Variants in TRIOBP observed in about 807,000 individuals in gnomAD.
TRIOBP encodes TRIO and F-actin-binding protein.
In TRIOBP, 169 loss-of-function variants were observed where a neutral mutation model predicts 238.8. The observed-to-expected ratio is 0.71, with a 90% CI of 0.62 to 0.80. The LOEUF (loss-of-function observed/expected upper bound fraction) is 0.80, where lower values mean the gene tolerates loss of function less well. TRIOBP is among the 30% of genes least tolerant of loss of function. TRIOBP has a pLI of 0.00. For missense variants in TRIOBP, 2,838 were observed against 3,122.6 expected (o/e 0.91, Z 2.17); for synonymous variants, 1,150 against 1,274.4 (o/e 0.90, Z 2.08).
chr22:37,725,153 C>G lies in TRIOBP; in HGVS notation c.2597C>G (p.Thr866Ser), dbSNP rs1204032283. Residue 866 changes from threonine to serine, a missense_variant, in exon 7 of 24, where the codon ACC (threonine) becomes AGC (serine). Transcript: ENST00000644935. ...TCCTTTCAACGAGACAACCCTGGAA[C>G]CTCCTCATCTCAATGCTGCACCCAA... Reference protein sequence around the residue: ...SFSFQRDNPGTSSSQCCTQKE... With the variant: ...SFSFQRDNPGSSSSQCCTQKE... The G allele has an allele frequency of 6.2e-7, 1 of 1,614,140 alleles. No individual in the cohort carries two copies. Among genetic ancestry groups the G allele is most frequent in the Admixed American group, 1.7e-5 (1 of 60,026 alleles).
At chr22:37,753,499 G>C (rs1296716676) in intron 12 of TRIOBP, among the ~76,000 whole-genome samples, 1 of 152,092 alleles carries the variant, frequency 6.6e-6, no homozygotes, top group Non-Finnish European at 1.5e-5. Context: ...GGCTGGTCTC[G>C]AACTCCTGAC....
chr22:37,734,578 G>A lies in TRIOBP; in HGVS notation c.4242G>A (p.Glu1414=). ...ERELRTQRPL[E]SGQAGPRQPL... ...AGCTGCGGACACAGAGACCTCTGGA[G>A]AGTGGCCAAGCAGGCCCAAGACAGC... The change falls in exon 9 of 24, where the codon GAG becomes GAA. Residue 1414 remains glutamate (E), a synonymous_variant. Transcript: ENST00000644935. 1.3e-6 allele frequency: 2 copies of A among 1,583,380 alleles called. No individual in the cohort carries two copies. Among genetic ancestry groups the A allele is most frequent in the South Asian group, 1.1e-5 (1 of 87,754 alleles).
intron 11 of TRIOBP, chr22:37,750,731 G>A: frequency 2.1e-6 from 1 of 471,106 alleles, no homozygotes; most frequent in South Asian, 1.5e-5. Context: ...CCAAGCCCCG[G>A]TTGGTCCACT....
intron 12 of TRIOBP, among the ~76,000 whole-genome samples, chr22:37,753,418 G>T (rs774866944): frequency 1.9e-4 from 29 of 152,292 alleles, no homozygotes; most frequent in Middle Eastern, 3.4e-3. Flanking sequence ...GGGATTACAG[G>T]CATGCGCCAC....
At chr22:37,733,606 T>G (rs1044458102) in intron 8 of TRIOBP, among the ~76,000 whole-genome samples, 194 bp downstream of exon 8, 1 of 151,590 alleles carries the variant, frequency 6.6e-6, no homozygotes, top group African/African-American at 2.4e-5. Context: ...GACCCCACAT[T>G]AATCCTTTGA....
chr22:37,752,208 G>A (rs1925651606), intron 12 of TRIOBP, among the ~76,000 whole-genome samples: 2 of 152,176 alleles, frequency 1.3e-5, no homozygotes, highest in South Asian at 2.1e-4. Flanking sequence ...GGGCGCAGGT[G>A]CTGGGGTTTC....
intron 11 of TRIOBP, among the ~76,000 whole-genome samples, chr22:37,743,801 A>ATGTGTGTGTGTGTGTGTGTGTGTG (rs71195050): frequency 6.1e-5 from 7 of 114,100 alleles, no homozygotes; most frequent in African/African-American, 1.7e-4. Context: ...GAGAGAGAGA[A>ATGTGTGTGTGTGTGTGTGTGTGTG]TGTGTGTGTG....
At chr22:37,720,865 T>C (rs1362005634) in intron 6 of TRIOBP, among the ~76,000 whole-genome samples, 1 of 151,912 alleles carries the variant, frequency 6.6e-6, no homozygotes, top group Non-Finnish European at 1.5e-5. Context: ...TTTTTTTGTT[T>C]TTTGTTTTCT....
At chr22:37,729,677 T>G (rs545445726) in intron 7 of TRIOBP, among the ~76,000 whole-genome samples, 1 of 152,352 alleles carries the variant, frequency 6.6e-6, no homozygotes. Context: ...TACACTTTTA[T>G]TAACCATTTG....
intron 11 of TRIOBP, among the ~76,000 whole-genome samples, chr22:37,748,468 A>G (rs368191728): frequency 2.6e-3 from 399 of 152,252 alleles, no homozygotes; most frequent in African/African-American, 9.1e-3. Context: ...GCTGGGCATC[A>G]AATTATATTT....
intron 11 of TRIOBP, among the ~76,000 whole-genome samples, chr22:37,747,944 G>T (rs1223661242): frequency 6.6e-6 from 1 of 152,192 alleles, no homozygotes; most frequent in Non-Finnish European, 1.5e-5. Flanking sequence ...CGTGTGGGGT[G>T]CTTGGAAGAT....
chr22:37,744,093 A>C (rs918056946), intron 11 of TRIOBP, among the ~76,000 whole-genome samples: 1 of 144,614 alleles, frequency 6.9e-6, no homozygotes, highest in East Asian at 2.0e-4. Flanking sequence ...ACCGCAACCT[A>C]CGCCTCCCAG....
At chr22:37,715,963 T>C (rs898239750) in intron 6 of TRIOBP, 29 bp downstream of exon 6, 4 of 1,611,242 alleles carry the variant, frequency 2.5e-6, no homozygotes, top group Non-Finnish European at 1.7e-6. Flanking sequence ...TTGGTTCCCA[T>C]GGTGATGGCC....
chr22:37,711,759 G>A (rs1034323971), intron 4 of TRIOBP, among the ~76,000 whole-genome samples: 1 of 152,104 alleles, frequency 6.6e-6, no homozygotes, highest in South Asian at 2.1e-4. Flanking sequence ...GTGGCTTTTG[G>A]GTAACGGAAG....
intron 11 of TRIOBP, among the ~76,000 whole-genome samples, chr22:37,747,345 G>A (rs951987931): frequency 3.3e-5 from 5 of 152,214 alleles, no homozygotes; most frequent in Admixed American, 1.3e-4. Flanking sequence ...GTGCTTCAGG[G>A]AGGCTCTGAC....
intron 11 of TRIOBP, 120 bp downstream of exon 11, chr22:37,741,152 C>T (rs967030503): frequency 1.3e-5 from 18 of 1,339,984 alleles, no homozygotes; most frequent in Middle Eastern, 2.3e-4. Flanking sequence ...CACCTAGGGC[C>T]GTCGCATGAC....
intron 6 of TRIOBP, among the ~76,000 whole-genome samples, chr22:37,718,769 A>G (rs1410943045): frequency 6.6e-6 from 1 of 151,326 alleles, no homozygotes; most frequent in Non-Finnish European, 1.5e-5. Flanking sequence ...GTGGAATGCC[A>G]TGTGTGAGCC....
intron 17 of TRIOBP, among the ~76,000 whole-genome samples, chr22:37,762,255 A>T (rs1176209315): frequency 6.6e-6 from 1 of 152,034 alleles, no homozygotes; most frequent in Non-Finnish European, 1.5e-5. Context: ...TTGTAGAGAC[A>T]AGGTCTCACT....
At chr22:37,771,537 A>ATAGGGGCTGCATTC in intron 21 of TRIOBP, 113 bp from the exon 22 acceptor site, 1 of 911,518 alleles carries the variant, frequency 1.1e-6, no homozygotes, top group South Asian at 1.3e-5. Context: ...TTTTGTGCAG[A>ATAGGGGCTGCATTC]TAGGGGCTGC....
Sources: gnomAD v4.1 joint callset for allele counts (sites outside exome capture counted in the v4.1 genomes callset) on GRCh38, gnomAD v4.1.1 for gene constraint, MANE v1.5 for transcripts, NCBI Gene and HGNC (gene_info 2026-07-23, HGNC 2026-07-21) for gene names.